ERICH1: variants seen among roughly 807,000 people sequenced by gnomAD.
ERICH1 encodes glutamate-rich protein 1.
A neutral mutation model predicts 39.6 loss-of-function variants in ERICH1; 56 were observed. The observed-to-expected ratio is 1.41, with a 90% CI of 1.14 to 1.77. The LOEUF (loss-of-function observed/expected upper bound fraction) is 1.77. Ranked by LOEUF, ERICH1 falls within the 40% of genes most tolerant of loss-of-function variation. The pLI is 0.00. For missense variants in ERICH1, 826 were observed against 575.4 expected (o/e 1.44, Z -4.45); for synonymous variants, 313 against 223.6 (o/e 1.40, Z -3.57).
At position 646,888 on chromosome 8, in the gene ERICH1, C is replaced by T. The variant is rs1295639990; in HGVS notation, c.976+21710G>A. ...TAGGGGTGCAGAAGTGTGCTGCCCA[C>T]ACCTGGTCTTGCTGGCAAACAGGCT... On this transcript the variant is annotated intron_variant, in intron 3 of 3. Coordinates refer to the ERICH1 transcript ENST00000522706. Among the ~76,000 whole-genome samples, 2 of 69,656 alleles carry T rather than the reference C, an allele frequency of 2.9e-5. 1 individual carries two copies. Among genetic ancestry groups the T allele is most frequent in the Non-Finnish European group, 9.1e-5 (2 of 22,040 alleles). The allele number at this position is 69,656 out of a possible 152,430, so 45.7% of individuals were successfully genotyped here. A position where few individuals can be genotyped will look rare whatever the true frequency, so the allele number is the denominator to read the frequency against.
intron 2 of ERICH1, among the ~76,000 whole-genome samples, chr8:706,806 C>G (rs2132257148): frequency 6.6e-6 from 1 of 152,186 alleles, no homozygotes; most frequent in South Asian, 2.1e-4. Flanking sequence ...TAAAACTGCA[C>G]TCTGAAAACT....
At chr8:641,651 A>C (rs1798990369) in intron 3 of ERICH1, among the ~76,000 whole-genome samples, 1 of 152,238 alleles carries the variant, frequency 6.6e-6, no homozygotes, top group Non-Finnish European at 1.5e-5. Context: ...AGCGTGATCT[A>C]ATCAGTGGAG....
chr8:708,691 T>TGTTTTTTTTG (rs55817321), intron 2 of ERICH1, among the ~76,000 whole-genome samples: 1 of 89,322 alleles, frequency 1.1e-5, no homozygotes, highest in African/African-American at 5.0e-5. Context: ...GTTTTTTTTT[T>TGTTTTTTTTG]TTTTTTTTTT....
intron 3 of ERICH1, among the ~76,000 whole-genome samples, chr8:688,802 G>T (rs1017836294): frequency 5.3e-5 from 8 of 152,158 alleles, no homozygotes; most frequent in African/African-American, 1.9e-4. Flanking sequence ...AGCAAAAAGG[G>T]TATCGATGGG....
intron 1 of ERICH1, among the ~76,000 whole-genome samples, chr8:717,543 T>C (rs1816292190): frequency 6.6e-6 from 1 of 152,196 alleles, no homozygotes; most frequent in Admixed American, 6.5e-5. Flanking sequence ...AAGAAGAAAA[T>C]GTCCTGTGCC....
At chr8:626,945 G>A (rs945235249) in intron 3 of ERICH1, 1 of 359,942 alleles carries the variant, frequency 2.8e-6, no homozygotes, top group East Asian at 7.5e-5. Context: ...GGACCCTCTG[G>A]AACCCCAACC....
intron 3 of ERICH1, among the ~76,000 whole-genome samples, chr8:616,958 GACACAC>G (rs141612342): frequency 0.15 from 3,449 of 23,550 alleles, 1,108 homozygotes; most frequent in East Asian, 0.66. Context: ...GGGAGACAGA[GACACAC>G]AGAGAGAGAG....
At chr8:656,654 A>C in intron 3 of ERICH1, 1 of 784,044 alleles carries the variant, frequency 1.3e-6, no homozygotes, top group South Asian at 5.8e-5. Context: ...CAAGTGTGGA[A>C]TTTTGGGGCT....
At chr8:650,896 C>T (rs1016100649) in intron 3 of ERICH1, among the ~76,000 whole-genome samples, 7 of 152,176 alleles carry the variant, frequency 4.6e-5, no homozygotes, top group Non-Finnish European at 1.0e-4. Flanking sequence ...AGGAGAGCTC[C>T]TTGAGTGTGA....
chr8:682,313 C>G (rs564549941), intron 3 of ERICH1, among the ~76,000 whole-genome samples: 25 of 152,150 alleles, frequency 1.6e-4, no homozygotes, highest in Non-Finnish European at 2.6e-4. Flanking sequence ...GAATATTATC[C>G]AAAATAAGAC....
At chr8:664,795 A>T in intron 5 of ERICH1, 119 bp from the exon 6 acceptor site, 9 of 724,760 alleles carry the variant, frequency 1.2e-5, no homozygotes, top group Non-Finnish European at 2.2e-6. Context: ...AATCTAATAA[A>T]ATGCAACTTT....
In ERICH1 at chr8:673,596, G is replaced by A. The variant is rs149748149; in HGVS notation, c.756C>T (p.Asp252=). Residue 252 remains aspartate, a synonymous_variant, in exon 4 of 6, where the codon GAC becomes GAT. Transcript: ENST00000262109. ...LTRARQEEGA[D]ASEEDPTPAG... ...CCGGTGTCGGATCTTCCTCACTGGC[G>A]TCCGCACCCTCTTCCTGCCTGGCCC... The A allele has an allele frequency of 1.2e-4, 184 of 1,550,186 alleles. No individual in the cohort carries two copies. Among genetic ancestry groups the A allele is most frequent in the African/African-American group, 8.9e-4 (66 of 74,348 alleles).
At chr8:633,934 AAC>A (rs1798215449) in intron 3 of ERICH1, among the ~76,000 whole-genome samples, 1 of 152,242 alleles carries the variant, frequency 6.6e-6, no homozygotes, top group Non-Finnish European at 1.5e-5. Flanking sequence ...CTCATAAGGA[AAC>A]ACAGGGAAAA....
At chr8:689,122 C>T (rs980700071) in intron 3 of ERICH1, among the ~76,000 whole-genome samples, 5 of 151,760 alleles carry the variant, frequency 3.3e-5, no homozygotes, top group African/African-American at 4.8e-5. Flanking sequence ...TCTTTTTTTT[C>T]TTTTTTTGAG....
intron 2 of ERICH1, among the ~76,000 whole-genome samples, chr8:706,816 T>C (rs1226399177): frequency 1.3e-5 from 2 of 152,222 alleles, no homozygotes; most frequent in East Asian, 3.9e-4. Context: ...CTCTGAAAAC[T>C]ACAAAAGATG....
At chr8:694,062 T>C (rs181437384) in intron 2 of ERICH1, among the ~76,000 whole-genome samples, 4 of 152,320 alleles carry the variant, frequency 2.6e-5, no homozygotes, top group Admixed American at 2.6e-4. Flanking sequence ...CAGCTGGGCT[T>C]TTACCAAATG....
chr8:665,871 G>A (rs757589155), intron 5 of ERICH1: 1 of 152,208 alleles, frequency 6.6e-6, no homozygotes, highest in Non-Finnish European at 1.5e-5. Flanking sequence ...TCATCCTACA[G>A]AGGTGAGAGA....
intron 3 of ERICH1, among the ~76,000 whole-genome samples, chr8:657,514 G>T (rs1800806971): frequency 1.3e-5 from 2 of 151,510 alleles, no homozygotes; most frequent in Admixed American, 6.6e-5. Flanking sequence ...GAACTCACAG[G>T]GGCGATGCTT....
At chr8:679,043 C>A (rs1427875010) in intron 3 of ERICH1, among the ~76,000 whole-genome samples, 1 of 150,144 alleles carries the variant, frequency 6.7e-6, no homozygotes, top group African/African-American at 2.5e-5. Flanking sequence ...AGCTCCCATC[C>A]CTCAGCAGTG....
Sources: gnomAD v4.1 joint callset for allele counts (sites outside exome capture counted in the v4.1 genomes callset) on GRCh38, gnomAD v4.1.1 for gene constraint, MANE v1.5 for transcripts, NCBI Gene and HGNC (gene_info 2026-07-23, HGNC 2026-07-21) for gene names.